The following AGBL1 variants were observed in gnomAD, a reference collection of about 807,000 sequenced individuals.
AGBL1 encodes the protein cytosolic carboxypeptidase 4.
A neutral mutation model predicts 118.9 loss-of-function variants in AGBL1; 130 were observed. The observed-to-expected ratio is 1.09, with a 90% CI of 0.95 to 1.26. The LOEUF (loss-of-function observed/expected upper bound fraction) is 1.26, where lower values mean the gene tolerates loss of function less well. Among genes scored for constraint, AGBL1 ranks in the 50% most tolerant of loss-of-function variants. The pLI is 0.00. For missense variants in AGBL1, 1,584 were observed against 1,298.1 expected, an observed-to-expected ratio of 1.22 and a Z score of -3.38; for synonymous variants, 555 against 478.9, an observed-to-expected ratio of 1.16 and a Z score of -2.08.
At chr15:86,500,076 C>A (rs1299031663) in intron 18 of AGBL1, among the ~76,000 whole-genome samples, 1 of 151,818 alleles carries the variant, frequency 6.6e-6, no homozygotes, top group Non-Finnish European at 1.5e-5. Flanking sequence ...TGTGGTCCTG[C>A]TGATTTGCCA....
chr15:87,011,627 A>G (rs1405249098), intron 24 of AGBL1, among the ~76,000 whole-genome samples: 1 of 152,196 alleles, frequency 6.6e-6, no homozygotes, highest in Non-Finnish European at 1.5e-5. Context: ...AAAGGGATCT[A>G]CCAGCATGCT....
intron 23 of AGBL1, among the ~76,000 whole-genome samples, chr15:86,986,526 A>C (rs1567273453): frequency 7.0e-6 from 1 of 143,014 alleles, no homozygotes. Context: ...CAGCTTATCC[A>C]TTTCTACAAA....
chr15:86,174,908 A>G (rs1373384439), intron 5 of AGBL1, among the ~76,000 whole-genome samples: 1 of 151,816 alleles, frequency 6.6e-6, no homozygotes, highest in East Asian at 1.9e-4. Flanking sequence ...TTTGTTTGCT[A>G]TATTTTGTTG....
intron 18 of AGBL1, among the ~76,000 whole-genome samples, chr15:86,453,387 C>A (rs1366507819): frequency 6.6e-6 from 1 of 152,104 alleles, no homozygotes; most frequent in Non-Finnish European, 1.5e-5. Context: ...AATACAGGCA[C>A]AATGGTATTA....
In AGBL1 at chr15:86,998,869, A is replaced by T. The variant is rs181168092; in HGVS notation, c.3323+10781A>T. Among the ~76,000 whole-genome samples the T allele has an allele frequency of 7.0e-3, 1,060 of 151,140 alleles. 5 individuals are homozygous for T. Among genetic ancestry groups the T allele is most frequent in the Non-Finnish European group, 0.01 (685 of 67,758 alleles). On this transcript the variant is annotated intron_variant, in intron 24 of 24. Coordinates refer to the AGBL1 transcript ENST00000441037. ...TATTTTTTCTTTTATATATATATATATTTTTTATTATACTTTAAGTTCTAG... is the reference window on the plus strand; with the variant it reads ...TATTTTTTCTTTTATATATATATATTTTTTTTATTATACTTTAAGTTCTAG...
chr15:86,833,703 C>T (rs2079136302), intron 22 of AGBL1, among the ~76,000 whole-genome samples: 1 of 152,152 alleles, frequency 6.6e-6, no homozygotes. Context: ...AATAGAGCAG[C>T]ATCTCAGAAC....
At chr15:86,708,344 G>C (rs984899929) in intron 22 of AGBL1, among the ~76,000 whole-genome samples, 4 of 152,076 alleles carry the variant, frequency 2.6e-5, no homozygotes, top group Non-Finnish European at 4.4e-5. Context: ...TCTCTCTGCA[G>C]GTGTACACAA....
intron 1 of AGBL1, among the ~76,000 whole-genome samples, chr15:86,099,162 A>G (rs1363082470): frequency 6.6e-6 from 1 of 152,202 alleles, no homozygotes; most frequent in Admixed American, 6.5e-5. Context: ...CTGATAATGC[A>G]CCTGAAAGAA....
intron 17 of AGBL1, among the ~76,000 whole-genome samples, chr15:86,362,017 C>G (rs2080813263): frequency 6.6e-6 from 1 of 152,054 alleles, no homozygotes; most frequent in South Asian, 2.1e-4. Flanking sequence ...TTTCTTTCTT[C>G]TTTGCTTCTG....
At chr15:86,346,408 G>A (rs1391370994) in intron 17 of AGBL1, among the ~76,000 whole-genome samples, 11 of 151,402 alleles carry the variant, frequency 7.3e-5, no homozygotes, top group South Asian at 2.1e-4. Context: ...GTGCAGTGGC[G>A]TGATCTCGGC....
At chr15:86,285,505 C>T (rs1286837504) in intron 16 of AGBL1, among the ~76,000 whole-genome samples, 1 of 152,084 alleles carries the variant, frequency 6.6e-6, no homozygotes, top group African/African-American at 2.4e-5. Flanking sequence ...AAGAGGAATT[C>T]CCTTGCACAT....
At chr15:86,617,762 A>G (rs765032435) in intron 21 of AGBL1, among the ~76,000 whole-genome samples, 104 of 14,234 alleles carry the variant, frequency 7.3e-3, no homozygotes, top group Middle Eastern at 0.1. Context: ...CTTTATGCGC[A>G]CACACACACA....
chr15:86,336,198 G>A (rs534098289), intron 17 of AGBL1, among the ~76,000 whole-genome samples: 7 of 152,306 alleles, frequency 4.6e-5, no homozygotes, highest in East Asian at 3.9e-4. Flanking sequence ...TGGTTTGCAC[G>A]GAGCAGAGGT....
At chr15:86,995,011 C>A (rs1461701539) in intron 24 of AGBL1, among the ~76,000 whole-genome samples, 2 of 152,080 alleles carry the variant, frequency 1.3e-5, no homozygotes, top group Non-Finnish European at 2.9e-5. Context: ...TTTGGCCAGG[C>A]ACTATGATGG....
intron 17 of AGBL1, among the ~76,000 whole-genome samples, chr15:86,349,456 G>T (rs2080591043): frequency 6.6e-6 from 1 of 152,126 alleles, no homozygotes; most frequent in Admixed American, 6.6e-5. Flanking sequence ...TTCTATGTTT[G>T]CAATTTCTCA....
At chr15:86,342,153 T>C (rs1259011633) in intron 17 of AGBL1, among the ~76,000 whole-genome samples, 1 of 152,218 alleles carries the variant, frequency 6.6e-6, no homozygotes, top group African/African-American at 2.4e-5. Flanking sequence ...ATCCTTTTTT[T>C]ACTGCTACTT....
At chr15:86,870,254 C>T (rs781342072) in intron 22 of AGBL1, among the ~76,000 whole-genome samples, 1 of 151,990 alleles carries the variant, frequency 6.6e-6, no homozygotes, top group African/African-American at 2.4e-5. Context: ...AATACTTTAT[C>T]TCTATTTTTC....
intron 18 of AGBL1, among the ~76,000 whole-genome samples, chr15:86,401,725 GT>G: frequency 6.6e-6 from 1 of 152,062 alleles, no homozygotes; most frequent in Non-Finnish European, 1.5e-5. Context: ...CCCACTTTAT[GT>G]TTTGTATGCT....
At chr15:86,196,810 G>T (rs1173117033) in intron 5 of AGBL1, among the ~76,000 whole-genome samples, 1 of 151,598 alleles carries the variant, frequency 6.6e-6, no homozygotes, top group African/African-American at 2.4e-5. Flanking sequence ...TATAAGAAGA[G>T]AAAGAGATTT....
Sources: gnomAD v4.1 joint callset for allele counts (sites outside exome capture counted in the v4.1 genomes callset) on GRCh38, gnomAD v4.1.1 for gene constraint, MANE v1.5 for transcripts, NCBI Gene and HGNC (gene_info 2026-07-23, HGNC 2026-07-21) for gene names.